Variants in ATXN7 observed in about 807,000 individuals in gnomAD.
ATXN7 encodes ataxin 7.
Under a neutral mutation model 70.5 loss-of-function variants are expected in ATXN7, and 12 were observed. The observed-to-expected ratio is 0.17, with a 90% CI of 0.11 to 0.28. The LOEUF is 0.28. Among genes scored for constraint, ATXN7 ranks in the 10% least tolerant of loss-of-function variants. The pLI, the probability that ATXN7 is intolerant of heterozygous loss-of-function variation, is 1.00. For synonymous variants in ATXN7, 498 were observed against 448.7 expected (o/e 1.11, Z -1.39); for missense variants, 1,256 against 1,131.7 (o/e 1.11, Z -1.58).
chr3:63,970,253 T>A (rs1448267941), intron 5 of ATXN7, among the ~76,000 whole-genome samples: 1 of 152,158 alleles, frequency 6.6e-6, no homozygotes, highest in East Asian at 1.9e-4. Flanking sequence ...CCCTAAGTGT[T>A]GTGTGTATGC....
intron 1 of ATXN7, among the ~76,000 whole-genome samples, chr3:63,893,228 T>C (rs1159249197): frequency 2.6e-5 from 4 of 152,254 alleles, no homozygotes; most frequent in East Asian, 1.9e-4. Flanking sequence ...CATGTGCTTT[T>C]ATAAATTGAC....
chr3:63,897,028 G>C (rs185840747), intron 1 of ATXN7, among the ~76,000 whole-genome samples: 61 of 152,324 alleles, frequency 4.0e-4, no homozygotes, highest in Admixed American at 9.8e-4. Flanking sequence ...ATCACCATCA[G>C]GGTGGTGAAT....
chr3:63,942,822 C>T (rs1412939529), intron 4 of ATXN7, among the ~76,000 whole-genome samples: 1 of 152,158 alleles, frequency 6.6e-6, no homozygotes, highest in East Asian at 1.9e-4. Flanking sequence ...TCATAACTAC[C>T]CTTAAGGTTG....
At chr3:63,939,867 C>T (rs1314299708) in intron 4 of ATXN7, among the ~76,000 whole-genome samples, 2 of 152,008 alleles carry the variant, frequency 1.3e-5, no homozygotes, top group African/African-American at 4.8e-5. Context: ...AGAATTGTCA[C>T]TGATGTATCT....
intron 5 of ATXN7, among the ~76,000 whole-genome samples, chr3:63,955,548 G>A (rs555517855): frequency 6.6e-5 from 10 of 152,270 alleles, no homozygotes; most frequent in South Asian, 2.1e-4. Context: ...CCACAGTGTC[G>A]TCTATCTTTT....
intron 5 of ATXN7, among the ~76,000 whole-genome samples, chr3:63,955,186 G>A (rs974667933): frequency 1.3e-5 from 2 of 152,144 alleles, no homozygotes; most frequent in Non-Finnish European, 2.9e-5. Flanking sequence ...CCTGTGGCTT[G>A]GCAGGAGATG....
chr3:63,933,172 C>A (rs1048096536), intron 4 of ATXN7, among the ~76,000 whole-genome samples: 1 of 152,170 alleles, frequency 6.6e-6, no homozygotes, highest in Non-Finnish European at 1.5e-5. Flanking sequence ...ATCTAGATGA[C>A]AGAGAAGTAT....
intron 1 of ATXN7, among the ~76,000 whole-genome samples, chr3:63,879,711 C>G (rs184751963): frequency 6.6e-6 from 1 of 151,844 alleles, no homozygotes; most frequent in Non-Finnish European, 1.5e-5. Context: ...AAGCTAGTCT[C>G]GAACTCCGGA....
chr3:63,885,991 C>A (rs1170977956), intron 1 of ATXN7, among the ~76,000 whole-genome samples: 1 of 151,890 alleles, frequency 6.6e-6, no homozygotes, highest in Non-Finnish European at 1.5e-5. Flanking sequence ...TACTCCAGAG[C>A]GAGACTGGGT....
chr3:63,889,219 G>A (rs986312436), intron 1 of ATXN7, among the ~76,000 whole-genome samples: 3 of 152,122 alleles, frequency 2.0e-5, no homozygotes, highest in African/African-American at 7.2e-5. Context: ...CCTGGGAAAA[G>A]TCCATCCTAT....
chr3:63,904,618 C>G (rs1329523692), intron 2 of ATXN7: 1 of 152,206 alleles, frequency 6.6e-6, no homozygotes, highest in African/African-American at 2.4e-5. Context: ...AGATATATCA[C>G]AATTTGTTTA....
At position 63,990,272 on chromosome 3, in the gene ATXN7, A is replaced by C; in HGVS notation, c.1458A>C (p.Pro486=). Residue 486 remains proline, a synonymous_variant, in exon 10 of 13, where the codon CCA becomes CCC. Coordinates refer to ENST00000674280, the MANE Select transcript of ATXN7 (RefSeq NM_001377405.1). ...ACCCTCCCCTGCCTGCCACTGAGCCAGCTTCTCGGTTATCCAGTGAGGAGG... is the reference window on the plus strand; with the variant it reads ...ACCCTCCCCTGCCTGCCACTGAGCCCGCTTCTCGGTTATCCAGTGAGGAGG... ...SPHPPLPATE[P]ASRLSSEEGE... is the part of the protein sequence containing the mutation. The C allele has an allele frequency of 6.2e-7, 1 of 1,614,096 alleles. No individual in the cohort carries two copies. Among genetic ancestry groups the C allele is most frequent in the East Asian group, 2.2e-5 (1 of 44,856 alleles).
chr3:63,941,035 C>T (rs1299680012), intron 4 of ATXN7, among the ~76,000 whole-genome samples: 4 of 152,166 alleles, frequency 2.6e-5, no homozygotes, highest in South Asian at 2.1e-4. Flanking sequence ...CCATTCCTAA[C>T]GCAGGTTCCT....
At chr3:63,868,450 A>AT (rs1559614703) in intron 1 of ATXN7, among the ~76,000 whole-genome samples, 3 of 152,258 alleles carry the variant, frequency 2.0e-5, no homozygotes, top group African/African-American at 7.2e-5. Context: ...TTGGGGAACC[A>AT]TTAATAAACA....
chr3:63,895,915 C>G (rs1157745497), intron 1 of ATXN7, among the ~76,000 whole-genome samples: 1 of 152,118 alleles, frequency 6.6e-6, no homozygotes, highest in African/African-American at 2.4e-5. Flanking sequence ...TCTTTGCTGA[C>G]TGTCTTTTTC....
chr3:63,913,123 C>G, intron 3 of ATXN7, 34 bp from the exon 4 acceptor site: 4 of 1,605,170 alleles, frequency 2.5e-6, no homozygotes, highest in Non-Finnish European at 3.4e-6. Flanking sequence ...ACTGACCTGC[C>G]TCTCCCCTCC....
intron 9 of ATXN7, chr3:63,988,565 T>C: frequency 4.1e-6 from 2 of 491,044 alleles, no homozygotes; most frequent in South Asian, 2.5e-5. Flanking sequence ...TGCTCTATAC[T>C]TGCTGAACAT....
At chr3:63,976,601 A>G (rs1391334969) in intron 5 of ATXN7, among the ~76,000 whole-genome samples, 1 of 152,230 alleles carries the variant, frequency 6.6e-6, no homozygotes, top group East Asian at 1.9e-4. Flanking sequence ...GTGGAATTCC[A>G]TATTAAGAGT....
chr3:63,990,193 C>T lies in ATXN7; in HGVS notation c.1379C>T (p.Ala460Val), dbSNP rs1317361690. 1 of 1,613,140 alleles carries T rather than the reference C, an allele frequency of 6.2e-7. No homozygotes were observed. Among genetic ancestry groups the T allele is most frequent in the East Asian group, 2.2e-5 (1 of 44,868 alleles). The change falls in exon 10 of 13, where the codon GCT becomes GTT. Residue 460 changes from alanine to valine, a missense_variant. Coordinates refer to ENST00000674280, the MANE Select transcript of ATXN7 (RefSeq NM_001377405.1). ...PSLPRPPGCP[A>V]QQGGSAPIDP... ...TCACCAAGGCCTCCAGGCTGCCCTG[C>T]TCAGCAAGGTGGGAGTGCCCCCATT... is the stretch of plus-strand genomic sequence containing the variant.
Sources: allele counts gnomAD v4.1 joint callset (sites outside exome capture counted in the v4.1 genomes callset), GRCh38; gene constraint gnomAD v4.1.1; transcripts MANE v1.5; gene names NCBI Gene and HGNC (gene_info 2026-07-23, HGNC 2026-07-21).